Variants in ZNF143 observed in about 807,000 individuals in gnomAD.
ZNF143 encodes zinc finger protein 143.
In ZNF143, 49 loss-of-function variants were observed where a neutral mutation model predicts 74.1. The ratio of observed to expected loss-of-function variants is 0.66; its 90% CI spans 0.53 to 0.84. The LOEUF (loss-of-function observed/expected upper bound fraction) is 0.84, where lower values mean the gene tolerates loss of function less well. Ranked by LOEUF, ZNF143 falls within the 40% of genes least tolerant of loss-of-function variation. The pLI, the probability that ZNF143 is intolerant of heterozygous loss-of-function variation, is 0.00. For synonymous variants in ZNF143, 304 were observed against 282.8 expected (o/e 1.07, Z -0.75); for missense variants, 637 against 793.4 (o/e 0.80, Z 2.37).
intron 8 of ZNF143, 40 bp downstream of exon 8, chr11:9,494,805 C>T: frequency 1.3e-6 from 2 of 1,551,250 alleles, no homozygotes; most frequent in Non-Finnish European, 8.8e-7. Flanking sequence ...TATGAGAATA[C>T]CTAGGATATT....
chr11:9,516,247 C>A lies in ZNF143; in HGVS notation c.1571C>A (p.Thr524Lys). ...ADMQAIGNTI[T>K]MVTQDGTPIT... ...ATGCAGGCCATTGGCAACACCATCACAATGGTAACGCAGGATGGCACGCCC... is the reference window on the plus strand; with the variant it reads ...ATGCAGGCCATTGGCAACACCATCAAAATGGTAACGCAGGATGGCACGCCC... Residue 524 changes from threonine to lysine, a missense_variant, in exon 14 of 16, where the codon ACA becomes AAA. Physicochemically the swap from Thr to Lys is moderately conservative, Grantham distance 78. Around this residue, in one of 2 missense-constraint regions of ZNF143, gnomAD observed 344 missense variants for 485.6 expected, o/e 0.71. Coordinates refer to ENST00000396602, the MANE Select transcript of ZNF143 (RefSeq NM_003442.6). The A allele has an allele frequency of 1.1e-5, 17 of 1,614,072 alleles. No individual in the cohort carries two copies. The highest frequency in any genetic ancestry group is 1.4e-5 in the Non-Finnish European group (17 of 1,179,954).
chr11:9,461,963 T>A (rs2133795814), intron 1 of ZNF143: 1 of 152,350 alleles, frequency 6.6e-6, no homozygotes, highest in Admixed American at 6.5e-5. Context: ...GGAGAAATTG[T>A]AGGTTCGAGA....
At chr11:9,506,881 A>T (rs1848384176) in intron 11 of ZNF143, among the ~76,000 whole-genome samples, 2 of 151,784 alleles carry the variant, frequency 1.3e-5, no homozygotes, top group Non-Finnish European at 2.9e-5. Flanking sequence ...CCAGTAAGGG[A>T]GCTCAAAAGC....
chr11:9,491,638 A>C (rs561609594), intron 7 of ZNF143, among the ~76,000 whole-genome samples: 198 of 145,626 alleles, frequency 1.4e-3, no homozygotes, highest in African/African-American at 4.6e-3. Context: ...ACTCCGTCTC[A>C]AAAAAAAAAA....
At position 9,512,794 on chromosome 11, in the gene ZNF143, C is replaced by T. The variant is rs118180066; in HGVS notation, c.1524+198C>T. Among the ~76,000 whole-genome samples, 7 of 152,142 alleles carry T rather than the reference C, an allele frequency of 4.6e-5. No individual in the cohort carries two copies. In the East Asian group the frequency reaches 7.7e-4, roughly 17 times the overall value. On this transcript the variant is annotated intron_variant, in intron 13 of 15. Coordinates refer to ENST00000396602, the MANE Select transcript of ZNF143 (RefSeq NM_003442.6). ...AGAGAAGGTTTGTGACTGTAGAATC[C>T]GAATGGTATTCTTGGTGTAGTTCAA...
chr11:9,474,784 G>A, intron 5 of ZNF143, 151 bp downstream of exon 5: 2 of 858,756 alleles, frequency 2.3e-6, no homozygotes, highest in South Asian at 3.5e-5. Flanking sequence ...CATGATTTAA[G>A]GAAAAATTTT....
chr11:9,495,242 A>G (rs6416181), intron 8 of ZNF143, among the ~76,000 whole-genome samples: 152,272 of 152,284 alleles, frequency 1, 76,130 homozygotes, highest in Middle Eastern at 1. Context: ...TCAGGAGTTC[A>G]AGAACAGCCT....
At chr11:9,504,198 A>G (rs955253561) in intron 11 of ZNF143, among the ~76,000 whole-genome samples, 2 of 151,290 alleles carry the variant, frequency 1.3e-5, no homozygotes, top group Non-Finnish European at 2.9e-5. Flanking sequence ...TGACCTTGTG[A>G]TCCTCCCACC....
intron 7 of ZNF143, among the ~76,000 whole-genome samples, chr11:9,484,940 G>A (rs1260792556): frequency 6.7e-6 from 1 of 149,938 alleles, no homozygotes; most frequent in Non-Finnish European, 1.5e-5. Flanking sequence ...TGGGACTACA[G>A]GCGCCCGCCA....
At chr11:9,500,952 C>CA in intron 10 of ZNF143, 139 bp from the exon 11 acceptor site, 2 of 1,001,218 alleles carry the variant, frequency 2.0e-6, no homozygotes, top group South Asian at 1.6e-5. Context: ...CCAACCCCCC[C>CA]AAAAAAATGC....
intron 11 of ZNF143, among the ~76,000 whole-genome samples, chr11:9,505,318 G>A (rs1242242223): frequency 4.6e-5 from 7 of 150,676 alleles, no homozygotes; most frequent in African/African-American, 9.8e-5. Context: ...CGCTCAGGCT[G>A]GAGTGCAGTG....
At chr11:9,510,332 G>T (rs1481927887) in intron 12 of ZNF143, among the ~76,000 whole-genome samples, 1 of 151,948 alleles carries the variant, frequency 6.6e-6, no homozygotes, top group East Asian at 1.9e-4. Flanking sequence ...CACCGTGTTA[G>T]CCAGGATGGT....
chr11:9,484,504 C>T (rs1457661444), intron 7 of ZNF143, among the ~76,000 whole-genome samples: 1 of 151,184 alleles, frequency 6.6e-6, no homozygotes, highest in African/African-American at 2.5e-5. Flanking sequence ...CGTGAGTCAC[C>T]GTGCCCAGCC....
chr11:9,523,191 C>T (rs897290977), intron 14 of ZNF143, among the ~76,000 whole-genome samples: 3 of 151,852 alleles, frequency 2.0e-5, no homozygotes, highest in Non-Finnish European at 1.5e-5. Flanking sequence ...AGTTAAATTA[C>T]GTGTTGTGGC....
chr11:9,526,391 A>G (rs944257293), intron 15 of ZNF143, among the ~76,000 whole-genome samples: 1 of 152,020 alleles, frequency 6.6e-6, no homozygotes, highest in East Asian at 1.9e-4. Flanking sequence ...ATAGAATCCT[A>G]GGGGCTAGGT....
intron 7 of ZNF143, among the ~76,000 whole-genome samples, chr11:9,480,057 C>T (rs779227739): frequency 1.5e-4 from 23 of 152,200 alleles, no homozygotes; most frequent in Non-Finnish European, 2.8e-4. Flanking sequence ...TACCAGACTG[C>T]TTCCTGGTCT....
At chr11:9,486,414 T>TATATATATAATATATATAATATATATA (rs1491546428) in intron 7 of ZNF143, among the ~76,000 whole-genome samples, 3 of 24,040 alleles carry the variant, frequency 1.2e-4, no homozygotes, top group Non-Finnish European at 2.3e-4. Context: ...ATATATATAA[T>TATATATATAATATATATAATATATATA]ATATATTATA....
chr11:9,495,587 T>C (rs1847931506), intron 8 of ZNF143, among the ~76,000 whole-genome samples: 1 of 152,222 alleles, frequency 6.6e-6, no homozygotes, highest in South Asian at 2.1e-4. Flanking sequence ...ATATCTGGAG[T>C]AGTGGCCCTG....
At chr11:9,486,402 T>TAA (rs1259574052) in intron 7 of ZNF143, among the ~76,000 whole-genome samples, 2 of 26,540 alleles carry the variant, frequency 7.5e-5, no homozygotes, top group African/African-American at 3.2e-4. Flanking sequence ...ATATAATATA[T>TAA]TATATATATA....
Sources: allele counts gnomAD v4.1 joint callset (sites outside exome capture counted in the v4.1 genomes callset), GRCh38; gene constraint gnomAD v4.1.1; regional missense constraint gnomAD v4.1.1; transcripts MANE v1.5; gene names NCBI Gene and HGNC (gene_info 2026-07-23, HGNC 2026-07-21).